TTC39A: variants seen among roughly 807,000 people sequenced by gnomAD.
TTC39A encodes the protein tetratricopeptide repeat protein 39A.
Under a neutral mutation model 82.3 loss-of-function variants are expected in TTC39A, and 46 were observed. The ratio of observed to expected loss-of-function variants is 0.56; its 90% CI spans 0.44 to 0.71. The LOEUF (loss-of-function observed/expected upper bound fraction) is 0.71. Ranked by LOEUF, TTC39A falls within the 30% of genes least tolerant of loss-of-function variation. TTC39A has a pLI of 0.00. For synonymous variants in TTC39A, 254 were observed against 275.2 expected, an observed-to-expected ratio of 0.92 and a Z score of 0.76; for missense variants, 543 against 712.9, an observed-to-expected ratio of 0.76 and a Z score of 2.71.
At chr1:51,297,927 C>G (rs1644503746) in intron 12 of TTC39A, 1 of 152,964 alleles carries the variant, frequency 6.5e-6, no homozygotes, top group South Asian at 2.1e-4. Flanking sequence ...TCCCAGGACA[C>G]ATCAAACACA....
chr1:51,317,107 C>T (rs373190180), intron 2 of TTC39A, among the ~76,000 whole-genome samples: 2 of 152,136 alleles, frequency 1.3e-5, no homozygotes, highest in African/African-American at 4.8e-5. Context: ...AGAGGCAAGG[C>T]GGGGAAGGGA....
At chr1:51,326,286 C>T (rs765372544) in intron 1 of TTC39A, among the ~76,000 whole-genome samples, 2 of 152,068 alleles carry the variant, frequency 1.3e-5, no homozygotes, top group Admixed American at 1.3e-4. Context: ...AGGATGGCAT[C>T]AAGGAAAATG....
upstream of TTC39A, chr1:51,330,677 A>AC: frequency 1.0e-6 from 1 of 955,200 alleles, no homozygotes; most frequent in Non-Finnish European, 1.2e-6. The surrounding 1 kb of genome is among the most constrained non-coding windows in gnomAD (Gnocchi z 4.5). Context: ...GCCCGCGGCG[A>AC]CCCGCGCTCC....
intron 1 of TTC39A, among the ~76,000 whole-genome samples, chr1:51,342,753 G>A (rs186183472): frequency 3.5e-4 from 54 of 152,302 alleles, no homozygotes; most frequent in Admixed American, 2.2e-3. Flanking sequence ...GCACAAAGGC[G>A]CATGTGTGCA....
At chr1:51,330,965 C>T (rs1325291295), upstream of TTC39A, 6 of 648,982 alleles carry the variant, frequency 9.2e-6, no homozygotes, top group African/African-American at 1.1e-4. The surrounding 1 kb of genome is among the most constrained non-coding windows in gnomAD (Gnocchi z 4.5). Flanking sequence ...CAGAGTCAGG[C>T]CTGGATTTTA....
intron 14 of TTC39A, among the ~76,000 whole-genome samples, chr1:51,293,541 C>A (rs1644300771): frequency 6.6e-6 from 1 of 152,170 alleles, no homozygotes; most frequent in African/African-American, 2.4e-5. Context: ...TTATTATACC[C>A]ATTTTACATA....
Position 51,288,237 on chromosome 1 carries a change from G to C in TTC39A, c.1654C>G (p.Arg552Gly). ...GCTTGGAGTGTGGCTGCCTGGATTC[G>C]AAAGTGTGTCCTTGACTCCATGGAG... ...NYSMESRTHF[R>G]IQAATLQAKS... Residue 552 changes from arginine (R) to glycine (G), a missense_variant, in exon 18 of 18, where the codon CGA becomes GGA. Transcript: ENST00000680483. The surrounding 1 kb of genome is among the most constrained non-coding windows in gnomAD (Gnocchi z 4.8). 1 of 1,614,016 alleles carries C rather than the reference G, an allele frequency of 6.2e-7. No individual in the cohort carries two copies. The highest frequency in any genetic ancestry group is 8.5e-7 in the Non-Finnish European group (1 of 1,179,888).
intron 12 of TTC39A, among the ~76,000 whole-genome samples, chr1:51,297,062 G>A (rs1282289238): frequency 1.3e-5 from 2 of 152,254 alleles, no homozygotes; most frequent in Non-Finnish European, 2.9e-5. Flanking sequence ...CCGGACATCC[G>A]GGAGTCCTGC....
chr1:51,342,248 C>T (rs1646046315), intron 1 of TTC39A, among the ~76,000 whole-genome samples: 3 of 152,150 alleles, frequency 2.0e-5, no homozygotes, highest in Admixed American at 6.5e-5. Flanking sequence ...AATCCTGGTG[C>T]CTGGAATCCC....
intron 1 of TTC39A, among the ~76,000 whole-genome samples, chr1:51,343,807 A>T (rs6673415): frequency 3.3e-5 from 5 of 152,064 alleles, no homozygotes; most frequent in Admixed American, 6.5e-5. Flanking sequence ...TTATATAGAG[A>T]TAGGGTCTTG....
chr1:51,343,570 A>G (rs1235524187), intron 1 of TTC39A, among the ~76,000 whole-genome samples: 1 of 152,042 alleles, frequency 6.6e-6, no homozygotes, highest in East Asian at 1.9e-4. Context: ...CCCAGCATCT[A>G]TTTCTGATGT....
upstream of TTC39A, chr1:51,330,675 C>T (rs139783004): frequency 0.049 from 46,819 of 959,980 alleles, 1,313 homozygotes; most frequent in Non-Finnish European, 0.054. The surrounding 1 kb of genome is among the most constrained non-coding windows in gnomAD (Gnocchi z 4.5). Context: ...CCGCCCGCGG[C>T]GACCCGCGCT....
At chr1:51,312,268 C>CAA in intron 3 of TTC39A, 73 bp from the exon 4 acceptor site, 2 of 1,350,916 alleles carry the variant, frequency 1.5e-6, no homozygotes, top group Non-Finnish European at 2.1e-6. Context: ...CTCTCTGCTA[C>CAA]ACCCTAGAAC....
At chr1:51,312,967 G>C in intron 2 of TTC39A, 24 bp from the exon 3 acceptor site, 2 of 1,610,470 alleles carry the variant, frequency 1.2e-6, no homozygotes, top group Non-Finnish European at 1.7e-6. Context: ...GAGACGTTGA[G>C]AGCACCACCT....
intron 1 of TTC39A, among the ~76,000 whole-genome samples, chr1:51,327,057 G>T (rs531079019): frequency 2.0e-5 from 3 of 152,142 alleles, no homozygotes; most frequent in Non-Finnish European, 4.4e-5. Context: ...GCCTGGAGCC[G>T]CCCCCACTCT....
upstream of TTC39A, chr1:51,331,452 C>T: frequency 7.1e-7 from 1 of 1,399,994 alleles, no homozygotes; most frequent in Non-Finnish European, 9.3e-7. Flanking sequence ...TAGAGCTGTC[C>T]CTTCACAAAG....
At position 51,287,954 on chromosome 1, in the gene TTC39A, G is replaced by A; in HGVS notation, c.*203C>T. ...ATAGGGCAGGCAGAGGGCTCCACCT[G>A]CTCTGCCCTTGGCAAAGGCCCTTGG... On this transcript the variant is annotated 3_prime_UTR_variant, in exon 18 of 18. Transcript: ENST00000680483. 1.4e-6 allele frequency: 1 copy of A among 720,348 alleles called. No individual in the cohort carries two copies. Among genetic ancestry groups the A allele is most frequent in the East Asian group, 2.8e-5 (1 of 35,760 alleles). The allele number at this position is 720,348 out of a possible 1,614,324, so 44.6% of individuals were successfully genotyped here.
rs772903868 is a variant in TTC39A at position 51,309,302 on chromosome 1, G to A, written c.447C>T (p.Ile149=). ...FLQDENMVSF[I]KGGIKVRNSY... ...TGTTTCGAACTTTGATGCCGCCTTT[G>A]ATGAAGCTCACCATGTTCTCGTCCT... Residue 149 remains isoleucine (I), a synonymous_variant, in exon 6 of 18, where the codon ATC becomes ATT. Transcript: ENST00000680483. 9 of 1,612,830 alleles carry A rather than the reference G, an allele frequency of 5.6e-6. No homozygotes were observed. The Admixed American group carries it at 6.7e-5, about 12-fold the overall frequency.
intron 5 of TTC39A, 68 bp downstream of exon 5, chr1:51,311,186 G>A (rs1645069657): frequency 6.8e-7 from 1 of 1,460,126 alleles, no homozygotes; most frequent in Non-Finnish European, 9.3e-7. Flanking sequence ...CTAGGGGATG[G>A]GTCATGGTTG....
Sources: gnomAD v4.1 joint callset for allele counts (sites outside exome capture counted in the v4.1 genomes callset) on GRCh38, gnomAD v4.1.1 for gene constraint, Gnocchi (gnomAD v3.1) non-coding constraint, MANE v1.5 for transcripts, NCBI Gene and HGNC (gene_info 2026-07-23, HGNC 2026-07-21) for gene names.